The following C5 variants were observed in gnomAD, a reference collection of about 807,000 sequenced individuals.
The protein encoded by C5 is C3 and PZP-like alpha-2-macroglobulin domain-containing protein 4.
In C5, 140 loss-of-function variants were observed where a neutral mutation model predicts 218.8. The ratio of observed to expected loss-of-function variants is 0.64; its 90% CI spans 0.56 to 0.74. The LOEUF (loss-of-function observed/expected upper bound fraction) is 0.74. Among genes scored for constraint, C5 ranks in the 30% least tolerant of loss-of-function variants. The pLI, the probability that C5 is intolerant of heterozygous loss-of-function variation, is 0.00. For missense variants in C5, 1,700 were observed against 1,969.6 expected, an observed-to-expected ratio of 0.86 and a Z score of 2.59; for synonymous variants, 614 against 682.3, an observed-to-expected ratio of 0.90 and a Z score of 1.56.
intron 8 of C5, 61 bp downstream of exon 8, chr9:121,027,099 T>G: frequency 1.1e-6 from 1 of 899,384 alleles, no homozygotes; most frequent in Non-Finnish European, 1.8e-6. Context: ...TTTAAGTAAC[T>G]TCTCATCTCT....
intron 30 of C5, 122 bp downstream of exon 30, chr9:120,974,657 C>T (rs2046938863): frequency 3.2e-6 from 3 of 949,934 alleles, no homozygotes; most frequent in Non-Finnish European, 5.1e-6. Flanking sequence ...CTGTTTAGGA[C>T]ATAGCTGACA....
Position 121,006,924 on chromosome 9 carries a change from C to T in C5, c.2402G>A (p.Gly801Asp). ...PDSLTTWEIQ[G>D]VGISNTGICV... ...CTTACCAGTGTTTGAAATGCCAACG[C>T]CTTGAATTTCCCAGGTGGTTAGAGA... The change falls in exon 19 of 41, where the codon GGC becomes GAC. Residue 801 changes from glycine to aspartate, a missense_variant. Coordinates refer to ENST00000223642, the MANE Select transcript of C5 (RefSeq NM_001735.3). 6.2e-7 allele frequency: 1 copy of T among 1,611,618 alleles called. No homozygotes were observed. The highest frequency in any genetic ancestry group is 8.5e-7 in the Non-Finnish European group (1 of 1,177,838).
At chr9:120,971,797 A>C in intron 31 of C5, 133 bp downstream of exon 31, 1 of 697,920 alleles carries the variant, frequency 1.4e-6, no homozygotes, top group East Asian at 2.7e-5. Context: ...AAAGATTTAC[A>C]TAAGTGAATC....
At chr9:121,041,297 C>CTTTTGTTTTTTT (rs2047577569) in intron 3 of C5, among the ~76,000 whole-genome samples, 1 of 72,678 alleles carries the variant, frequency 1.4e-5, no homozygotes, top group African/African-American at 5.5e-5. Flanking sequence ...TACATGAAGC[C>CTTTTGTTTTTTT]TTTTTTTTTT....
At chr9:121,034,109 G>A (rs1390980798) in intron 5 of C5, among the ~76,000 whole-genome samples, 3 of 151,972 alleles carry the variant, frequency 2.0e-5, no homozygotes, top group Non-Finnish European at 2.9e-5. Context: ...TGATAGAGAC[G>A]GGGTTTCACC....
chr9:120,984,832 C>T (rs1366584018), intron 25 of C5, among the ~76,000 whole-genome samples: 1 of 150,256 alleles, frequency 6.7e-6, no homozygotes, highest in African/African-American at 2.5e-5. Flanking sequence ...AGCGATTCTC[C>T]TGCCTCAGCC....
At chr9:121,005,209 G>T (rs1025933082) in intron 20 of C5, among the ~76,000 whole-genome samples, 1 of 152,176 alleles carries the variant, frequency 6.6e-6, no homozygotes, top group Admixed American at 6.5e-5. Flanking sequence ...GGGGTGTGCT[G>T]GCAAAGAGAA....
At chr9:121,069,357 C>T in the C5 span, among the ~76,000 whole-genome samples, 2 of 152,030 alleles carry the variant, frequency 1.3e-5, no homozygotes, top group African/African-American at 4.8e-5. Flanking sequence ...AAAAAGAAGA[C>T]ATACAAATGA....
chr9:120,987,321 G>C (rs2131707102), intron 25 of C5, among the ~76,000 whole-genome samples: 1 of 152,100 alleles, frequency 6.6e-6, no homozygotes. Flanking sequence ...GAGGGCCAAA[G>C]ATAAAATTCT....
intron 33 of C5, among the ~76,000 whole-genome samples, chr9:120,967,974 T>C (rs2046881657): frequency 6.6e-6 from 1 of 152,112 alleles, no homozygotes; most frequent in Admixed American, 6.6e-5. Context: ...TCTCTCTCCT[T>C]GGCCTCCCAA....
chr9:121,011,026 T>C (rs1465471628), intron 17 of C5, among the ~76,000 whole-genome samples: 2 of 152,146 alleles, frequency 1.3e-5, no homozygotes, highest in Non-Finnish European at 2.9e-5. Flanking sequence ...ACTATAAAAC[T>C]GCTATAGGAA....
chr9:121,064,630 A>G, the C5 span, among the ~76,000 whole-genome samples: 3 of 152,220 alleles, frequency 2.0e-5, no homozygotes, highest in African/African-American at 7.2e-5. Flanking sequence ...CTATCAATTA[A>G]ATTTTTAAAA....
Position 121,030,439 on chromosome 9 carries a change from C to G in C5, c.716G>C (p.Gly239Ala). 8 of 1,543,058 alleles carry G rather than the reference C, an allele frequency of 5.2e-6. No individual in the cohort carries two copies. Among genetic ancestry groups the G allele is most frequent in the Non-Finnish European group, 6.1e-6 (7 of 1,140,598 alleles). The change falls in exon 7 of 41, where the codon GGT becomes GCT. Residue 239 changes from glycine to alanine, a missense_variant. Gly to Ala is a moderately conservative substitution (Grantham distance 60, BLOSUM62 0). Coordinates refer to ENST00000223642, the MANE Select transcript of C5 (RefSeq NM_001735.3). ...TTCAAAATTCTTAAAGTTCTTGTAACCAATGAAATTATATTCTGGCTCGAT... is the reference window on the plus strand; with the variant it reads ...TTCAAAATTCTTAAAGTTCTTGTAAGCAATGAAATTATATTCTGGCTCGAT... ...VSIEPEYNFI[G>A]YKNFKNFEIT...
the C5 span, among the ~76,000 whole-genome samples, chr9:121,071,739 T>C: frequency 3.9e-5 from 6 of 152,152 alleles, no homozygotes; most frequent in Admixed American, 2.6e-4. Context: ...ATGGCAATAA[T>C]GAAAGTTGCC....
At chr9:121,031,673 T>C (rs1366661978) in intron 6 of C5, among the ~76,000 whole-genome samples, 1 of 152,230 alleles carries the variant, frequency 6.6e-6, no homozygotes, top group African/African-American at 2.4e-5. Context: ...CCAGTACTTC[T>C]AGCCATACGT....
At chr9:121,025,980 A>T (rs1206562805) in intron 8 of C5, 3 of 179,958 alleles carry the variant, frequency 1.7e-5, no homozygotes, top group Non-Finnish European at 3.6e-5. Flanking sequence ...TTTAAAACAC[A>T]CAATGAGTAA....
At chr9:120,954,948 T>G (rs941711415) in intron 39 of C5, among the ~76,000 whole-genome samples, 5 of 152,230 alleles carry the variant, frequency 3.3e-5, no homozygotes, top group African/African-American at 1.2e-4. Context: ...TGTAGCTGTG[T>G]GGGGCCTTAT....
At chr9:120,978,700 T>C (rs1002334733) in intron 28 of C5, among the ~76,000 whole-genome samples, 1 of 151,916 alleles carries the variant, frequency 6.6e-6, no homozygotes, top group African/African-American at 2.4e-5. Context: ...TCACTGCTAC[T>C]CTCTTTCTAT....
intron 25 of C5, among the ~76,000 whole-genome samples, chr9:120,988,091 G>A (rs1488602702): frequency 2.0e-5 from 3 of 152,030 alleles, no homozygotes; most frequent in Non-Finnish European, 2.9e-5. Flanking sequence ...ATGCCCAGCC[G>A]GTATTTTTTG....
Sources: gnomAD v4.1 joint callset for allele counts (sites outside exome capture counted in the v4.1 genomes callset) on GRCh38, gnomAD v4.1.1 for gene constraint, MANE v1.5 for transcripts, NCBI Gene and HGNC (gene_info 2026-07-23, HGNC 2026-07-21) for gene names.